ECPAS: variants seen among roughly 807,000 people sequenced by gnomAD.
ECPAS encodes the protein proteasome adapter and scaffold protein ECM29.
Under a neutral mutation model 255.1 loss-of-function variants are expected in ECPAS, and 70 were observed. That is an observed-to-expected ratio of 0.27 (90% confidence interval 0.23 to 0.33). ECPAS has a LOEUF of 0.33. ECPAS is among the 10% of genes least tolerant of loss of function. ECPAS has a pLI of 1.00. For synonymous variants in ECPAS, 784 were observed against 775.0 expected, an observed-to-expected ratio of 1.01 and a Z score of -0.19; for missense variants, 1,817 against 2,206.4, an observed-to-expected ratio of 0.82 and a Z score of 3.54.
chr9:111,363,510 C>G (rs2098116523), intron 49 of ECPAS, 78 bp downstream of exon 49: 1 of 830,392 alleles, frequency 1.2e-6, no homozygotes. Flanking sequence ...AGAGTATAAG[C>G]AAAAACGAAA....
chr9:111,483,829 C>G (rs1178780188), intron 1 of ECPAS: 1 of 255,262 alleles, frequency 3.9e-6, no homozygotes. Context: ...CCCCGTGCGC[C>G]AGGCCCGCGC....
At chr9:111,386,338 AG>A in intron 32 of ECPAS, 38 bp downstream of exon 32, 1 of 1,269,916 alleles carries the variant, frequency 7.9e-7, no homozygotes, top group Non-Finnish European at 1.1e-6. Context: ...AAAAAAATTC[AG>A]TTTTATTTGA....
In ECPAS at chr9:111,383,619, G is replaced by A. The variant is rs905265263; in HGVS notation, c.3682-287C>T. Among the ~76,000 whole-genome samples, 110 of 152,146 alleles carry A rather than the reference G, an allele frequency of 7.2e-4. 4 individuals carry two copies. The highest frequency in any genetic ancestry group is 2.9e-4 in the Non-Finnish European group (20 of 68,032). ...ATCAAACCAGGAAATATGTAAGAAA[G>A]CACTTTAAAAAAGGTTTAGGGCTGG... On this transcript the variant is annotated intron_variant, in intron 34 of 49. Transcript: ENST00000684092.
Position 111,378,560 on chromosome 9 carries a change from T to C in ECPAS, c.3954+20A>G, listed in dbSNP as rs781702015. The C allele has an allele frequency of 6.2e-7, 1 of 1,608,266 alleles. No homozygotes were observed. The highest frequency in any genetic ancestry group is 2.2e-5 in the East Asian group (1 of 44,778). On this transcript the variant is annotated intron_variant, in intron 36 of 49. Transcript: ENST00000684092. ...TCTTCCCTCATGATACTTACCAATA[T>C]GCCTGCGCTATCCACTCACCTTTTC...
chr9:111,462,387 T>A (rs1419545573), intron 2 of ECPAS, among the ~76,000 whole-genome samples: 1 of 152,190 alleles, frequency 6.6e-6, no homozygotes, highest in East Asian at 1.9e-4. Context: ...ATGTGCACTA[T>A]CATCACTTCC....
intron 1 of ECPAS, among the ~76,000 whole-genome samples, chr9:111,480,157 A>G (rs1181675085): frequency 1.3e-5 from 2 of 152,102 alleles, no homozygotes; most frequent in Non-Finnish European, 2.9e-5. Context: ...ATTTTTTACA[A>G]TAAAATGTTA....
At chr9:111,377,365 T>C (rs1269619396) in intron 36 of ECPAS, among the ~76,000 whole-genome samples, 1 of 151,870 alleles carries the variant, frequency 6.6e-6, no homozygotes, top group Non-Finnish European at 1.5e-5. Flanking sequence ...AGAAGAAATA[T>C]AAACGACTAA....
chr9:111,371,860 G>A, intron 42 of ECPAS, 31 bp from the exon 43 acceptor site: 1 of 1,559,244 alleles, frequency 6.4e-7, no homozygotes, highest in Non-Finnish European at 8.8e-7. Context: ...CAACTTTTAA[G>A]TGACAAGAAA....
At chr9:111,463,528 G>A (rs1346588358) in intron 2 of ECPAS, among the ~76,000 whole-genome samples, 1 of 152,186 alleles carries the variant, frequency 6.6e-6, no homozygotes, top group Non-Finnish European at 1.5e-5. Context: ...AGAGCCAAGA[G>A]TAACTGTCAA....
chr9:111,458,608 G>A (rs1356177173), intron 2 of ECPAS, among the ~76,000 whole-genome samples: 1 of 151,918 alleles, frequency 6.6e-6, no homozygotes, highest in Non-Finnish European at 1.5e-5. Context: ...AGGTGATTAG[G>A]GGAGGTGGAC....
intron 17 of ECPAS, among the ~76,000 whole-genome samples, chr9:111,416,731 T>C (rs566146571): frequency 3.9e-5 from 6 of 152,322 alleles, no homozygotes; most frequent in Non-Finnish European, 7.3e-5. Context: ...AACAGAATCA[T>C]GGCCGCTGCA....
At chr9:111,372,673 T>A in intron 41 of ECPAS, 53 bp from the exon 42 acceptor site, 1 of 1,364,670 alleles carries the variant, frequency 7.3e-7, no homozygotes, top group Non-Finnish European at 1.0e-6. Flanking sequence ...TAAGGGTAAC[T>A]GATCTAAACA....
chr9:111,413,112 G>GT (rs2098197321), intron 20 of ECPAS, among the ~76,000 whole-genome samples: 1 of 152,170 alleles, frequency 6.6e-6, no homozygotes, highest in Non-Finnish European at 1.5e-5. Flanking sequence ...CACACACGGA[G>GT]GGTGTGGCAT....
rs1415356588 is a variant in ECPAS at position 111,361,970 on chromosome 9, G to C, written c.*60C>G. ...ACTTTTTCCCACTTGGTTTTTCAAA[G>C]AACACCACCACTTCAACCCCCAATG... On this transcript the variant is annotated 3_prime_UTR_variant, in exon 50 of 50. Coordinates refer to ENST00000684092, the MANE Select transcript of ECPAS (RefSeq NM_001364929.1). 1.9e-6 allele frequency: 3 copies of C among 1,563,254 alleles called. No individual in the cohort carries two copies. Among genetic ancestry groups the C allele is most frequent in the Admixed American group, 3.7e-5 (2 of 53,784 alleles).
chr9:111,407,926 A>T (rs1002084128), intron 24 of ECPAS, among the ~76,000 whole-genome samples: 1 of 152,246 alleles, frequency 6.6e-6, no homozygotes, highest in East Asian at 1.9e-4. Flanking sequence ...AAAAAGAACA[A>T]GAGACATGAT....
intron 24 of ECPAS, among the ~76,000 whole-genome samples, chr9:111,399,632 C>T (rs1261522493): frequency 6.6e-6 from 1 of 152,178 alleles, no homozygotes; most frequent in Non-Finnish European, 1.5e-5. Flanking sequence ...TAAATTTCAC[C>T]AGCGGCTAGA....
chr9:111,474,128 T>C (rs2098293215), intron 1 of ECPAS, among the ~76,000 whole-genome samples: 2 of 152,218 alleles, frequency 1.3e-5, no homozygotes, highest in South Asian at 4.1e-4. Context: ...CCAGAGGTTT[T>C]AGCCACTACT....
intron 1 of ECPAS, among the ~76,000 whole-genome samples, chr9:111,478,518 C>T: frequency 6.6e-6 from 1 of 152,062 alleles, no homozygotes; most frequent in East Asian, 1.9e-4. Context: ...CAGTGCGAGA[C>T]TCCATCTCAA....
At chr9:111,437,618 A>G (rs7851364) in intron 6 of ECPAS, among the ~76,000 whole-genome samples, 8,688 of 152,224 alleles carry the variant, frequency 0.057, 594 homozygotes, top group African/African-American at 0.15. Flanking sequence ...AAACGGCCAC[A>G]TAAGCACATA....
Sources: gnomAD v4.1 joint callset for allele counts (sites outside exome capture counted in the v4.1 genomes callset) on GRCh38, gnomAD v4.1.1 for gene constraint, MANE v1.5 for transcripts, NCBI Gene and HGNC (gene_info 2026-07-23, HGNC 2026-07-21) for gene names.